Variants in ATG10 observed in about 807,000 individuals in gnomAD.
ATG10 encodes the protein ubiquitin-like-conjugating enzyme ATG10.
Under a neutral mutation model 32.1 loss-of-function variants are expected in ATG10, and 30 were observed. That is an observed-to-expected ratio of 0.94 (90% CI 0.70 to 1.27). The LOEUF is 1.27. Among genes scored for constraint, ATG10 ranks in the 50% most tolerant of loss-of-function variants. ATG10 has a pLI of 0.00. For missense variants in ATG10, 233 were observed against 262.3 expected (o/e 0.89, Z 0.77); for synonymous variants, 87 against 91.5 (o/e 0.95, Z 0.28).
intron 2 of ATG10, among the ~76,000 whole-genome samples, chr5:82,050,006 A>C (rs1470444513): frequency 6.6e-6 from 1 of 151,122 alleles, no homozygotes; most frequent in African/African-American, 2.4e-5. Flanking sequence ...TAAAGATGAA[A>C]ATCTTTCCCT....
At chr5:82,248,177 C>T (rs1747107900) in intron 5 of ATG10, among the ~76,000 whole-genome samples, 1 of 152,198 alleles carries the variant, frequency 6.6e-6, no homozygotes, top group Non-Finnish European at 1.5e-5. Flanking sequence ...GAGAACTTAT[C>T]TACCCCTTCT....
chr5:82,139,111 C>G (rs1252949492), intron 3 of ATG10, among the ~76,000 whole-genome samples: 3 of 146,008 alleles, frequency 2.1e-5, no homozygotes, highest in Admixed American at 6.7e-5. Context: ...CCCGAGGTGC[C>G]GGGATTGCAG....
chr5:81,983,326 G>A (rs1761124761), intron 1 of ATG10, among the ~76,000 whole-genome samples: 1 of 148,212 alleles, frequency 6.7e-6, no homozygotes, highest in South Asian at 2.2e-4. Context: ...AGCTGACTGG[G>A]CAGAGGGGCT....
chr5:82,169,256 G>A (rs1743710118), intron 4 of ATG10, among the ~76,000 whole-genome samples: 1 of 151,472 alleles, frequency 6.6e-6, no homozygotes, highest in Non-Finnish European at 1.5e-5. Flanking sequence ...GAGGAAGGAT[G>A]TCCTAGAAAT....
chr5:82,099,611 G>A (rs955515859), intron 3 of ATG10, among the ~76,000 whole-genome samples: 2 of 152,036 alleles, frequency 1.3e-5, no homozygotes, highest in African/African-American at 2.4e-5. Flanking sequence ...CTCTTTTAAA[G>A]TCAATAATAA....
chr5:82,052,975 T>C (rs1335809760), intron 2 of ATG10, among the ~76,000 whole-genome samples: 2 of 152,216 alleles, frequency 1.3e-5, no homozygotes, highest in Non-Finnish European at 2.9e-5. Context: ...CATATGTGAC[T>C]ATATCCATAA....
intron 3 of ATG10, among the ~76,000 whole-genome samples, chr5:82,074,194 C>T (rs1046947404): frequency 2.2e-4 from 33 of 152,204 alleles, no homozygotes; most frequent in African/African-American, 7.5e-4. Context: ...AAAATGAACA[C>T]GAAGACAACT....
At chr5:82,131,577 A>G (rs1766524380) in intron 3 of ATG10, among the ~76,000 whole-genome samples, 1 of 152,128 alleles carries the variant, frequency 6.6e-6, no homozygotes, top group African/African-American at 2.4e-5. Flanking sequence ...TTGGAATATT[A>G]TACAAGATTT....
rs1313992640 is a variant in ATG10, at chr5:82,255,903, C to T, written c.*1840C>T. 6.6e-6 allele frequency: 1 copy of T among 152,326 alleles called. No homozygotes were observed. Among genetic ancestry groups the T allele is most frequent in the Admixed American group, 6.5e-5 (1 of 15,294 alleles). 9.4% of individuals were successfully genotyped at this position (152,326 alleles called of 1,614,324 possible). The stretch of plus-strand genomic sequence containing the variant: ...GAAGTAGAGAAAGGGTTAATTCAAA[C>T]TGCTAGAAAAGCTAAAAGTAAATTT... On this transcript the variant is annotated 3_prime_UTR_variant, in exon 8 of 8. Transcript: ENST00000282185.
At chr5:81,995,019 T>C (rs1385875530) in intron 2 of ATG10, among the ~76,000 whole-genome samples, 1 of 152,202 alleles carries the variant, frequency 6.6e-6, no homozygotes, top group African/African-American at 2.4e-5. Context: ...GATTCCTAGA[T>C]CTGCTTTCTG....
At chr5:82,246,852 A>G (rs1192255380) in intron 5 of ATG10, among the ~76,000 whole-genome samples, 1 of 152,160 alleles carries the variant, frequency 6.6e-6, no homozygotes, top group African/African-American at 2.4e-5. Flanking sequence ...ATCTGCTAGC[A>G]AGGAATTCTC....
intron 2 of ATG10, among the ~76,000 whole-genome samples, chr5:82,033,703 A>T (rs1414100328): frequency 1.3e-5 from 2 of 150,168 alleles, no homozygotes; most frequent in African/African-American, 4.9e-5. Flanking sequence ...GATCTTATTC[A>T]GTTACTTGGC....
intron 5 of ATG10, chr5:82,242,925 C>A: frequency 2.4e-6 from 1 of 425,154 alleles, no homozygotes; most frequent in Non-Finnish European, 4.6e-6. Context: ...TTTTAACAAA[C>A]ATTGAGCTAT....
chr5:82,207,937 AT>A (rs1488778809), intron 5 of ATG10, among the ~76,000 whole-genome samples: 1 of 152,112 alleles, frequency 6.6e-6, no homozygotes, highest in Non-Finnish European at 1.5e-5. Flanking sequence ...TTTTCTAGAT[AT>A]TTTTTAACTA....
intron 2 of ATG10, among the ~76,000 whole-genome samples, chr5:82,031,367 C>T (rs1484462809): frequency 6.6e-6 from 1 of 152,060 alleles, no homozygotes; most frequent in Non-Finnish European, 1.5e-5. Flanking sequence ...CTAGTGTATC[C>T]AGAGCAACAC....
chr5:82,080,048 G>T (rs1297354237), intron 3 of ATG10, among the ~76,000 whole-genome samples: 5 of 152,126 alleles, frequency 3.3e-5, no homozygotes, highest in Non-Finnish European at 5.9e-5. Context: ...ACTTTTTAAT[G>T]ATTACCATTC....
chr5:82,168,692 C>T (rs1175791356), intron 4 of ATG10, among the ~76,000 whole-genome samples: 1 of 152,154 alleles, frequency 6.6e-6, no homozygotes, highest in Non-Finnish European at 1.5e-5. Context: ...CATGGAGAAA[C>T]AGGGCAAAAG....
intron 3 of ATG10, among the ~76,000 whole-genome samples, chr5:82,097,130 G>A (rs753356261): frequency 2.0e-5 from 3 of 151,970 alleles, no homozygotes; most frequent in Non-Finnish European, 4.4e-5. Context: ...AGTCAACCTT[G>A]ATTTTTTTGT....
At chr5:82,170,670 G>T (rs1355446289) in intron 4 of ATG10, among the ~76,000 whole-genome samples, 1 of 152,098 alleles carries the variant, frequency 6.6e-6, no homozygotes, top group Non-Finnish European at 1.5e-5. Context: ...TGTTGGCAGG[G>T]CGCGGTGGCT....
Sources: allele counts gnomAD v4.1 joint callset (sites outside exome capture counted in the v4.1 genomes callset), GRCh38; gene constraint gnomAD v4.1.1; transcripts MANE v1.5; gene names NCBI Gene and HGNC (gene_info 2026-07-23, HGNC 2026-07-21).